SRGAP3: variants seen among roughly 807,000 people sequenced by gnomAD.
The protein encoded by SRGAP3 is SLIT-ROBO Rho GTPase-activating protein 3.
In SRGAP3, 39 loss-of-function variants were observed where a neutral mutation model predicts 121.1. The ratio of observed to expected loss-of-function variants is 0.32; its 90% CI spans 0.25 to 0.42. The LOEUF (loss-of-function observed/expected upper bound fraction) is 0.42, where lower values mean the gene tolerates loss of function less well. Ranked by LOEUF, SRGAP3 falls within the 10% of genes least tolerant of loss-of-function variation. The probability of loss-of-function intolerance (pLI) is 1.00; values close to 1 mark genes in which losing one functional copy is unlikely to be tolerated. For synonymous variants in SRGAP3, 601 were observed against 570.0 expected (o/e 1.05, Z -0.77); for missense variants, 1,213 against 1,470.6 (o/e 0.82, Z 2.86).
At chr3:9,215,018 G>A (rs1230462206) in intron 1 of SRGAP3, among the ~76,000 whole-genome samples, 1 of 152,198 alleles carries the variant, frequency 6.6e-6, no homozygotes, top group African/African-American at 2.4e-5. Flanking sequence ...TGAGGAAGGA[G>A]AGCTAAGTGG....
At chr3:9,066,899 T>C (rs1477093471) in intron 4 of SRGAP3, among the ~76,000 whole-genome samples, 1 of 152,208 alleles carries the variant, frequency 6.6e-6, no homozygotes, top group African/African-American at 2.4e-5. Flanking sequence ...TTGTAGATCA[T>C]GGAAGGTAAG....
intron 1 of SRGAP3, among the ~76,000 whole-genome samples, chr3:9,356,126 C>T (rs572417848): frequency 1.4e-4 from 21 of 151,916 alleles, no homozygotes; most frequent in African/African-American, 4.8e-4. Flanking sequence ...AACATACTAC[C>T]GGTGAACAAC....
At chr3:9,038,674 T>C (rs1377539079) in intron 10 of SRGAP3, among the ~76,000 whole-genome samples, 1 of 152,102 alleles carries the variant, frequency 6.6e-6, no homozygotes, top group African/African-American at 2.4e-5. Context: ...GAAAAGAAAA[T>C]CAAGTACTAT....
intron 1 of SRGAP3, among the ~76,000 whole-genome samples, chr3:9,244,087 T>C (rs1368512093): frequency 6.6e-6 from 1 of 152,202 alleles, no homozygotes; most frequent in Non-Finnish European, 1.5e-5. Flanking sequence ...TTTTATCCTG[T>C]TGAAACCAGC....
chr3:9,278,383 A>C (rs1954619910), intron 3 of SRGAP3, among the ~76,000 whole-genome samples: 1 of 152,182 alleles, frequency 6.6e-6, no homozygotes, highest in Admixed American at 6.5e-5. Context: ...AAATGGCAAG[A>C]ATATTAAGTC....
intron 1 of SRGAP3, among the ~76,000 whole-genome samples, chr3:9,147,598 G>T (rs1304924633): frequency 1.3e-5 from 2 of 152,158 alleles, no homozygotes; most frequent in Non-Finnish European, 2.9e-5. Context: ...TCTGGGCACA[G>T]AATCATTAGC....
At chr3:9,340,866 T>A (rs1250455817) in intron 1 of SRGAP3, among the ~76,000 whole-genome samples, 1 of 152,048 alleles carries the variant, frequency 6.6e-6, no homozygotes, top group African/African-American at 2.4e-5. Context: ...AAAATCACCG[T>A]GAATGAAGGA....
At chr3:9,321,818 G>A (rs1955442782) in intron 3 of SRGAP3, among the ~76,000 whole-genome samples, 1 of 151,622 alleles carries the variant, frequency 6.6e-6, no homozygotes, top group South Asian at 2.1e-4. Flanking sequence ...CTATCAGAGG[G>A]TGGAGGGTGA....
chr3:9,324,771 C>G (rs564804251), intron 3 of SRGAP3, among the ~76,000 whole-genome samples: 2 of 151,874 alleles, frequency 1.3e-5, no homozygotes, highest in East Asian at 3.9e-4. Context: ...TCCTGGCTAA[C>G]ACGGTGAAAC....
At chr3:9,252,108 C>T (rs1191334809), upstream of SRGAP3, among the ~76,000 whole-genome samples, 2 of 152,106 alleles carry the variant, frequency 1.3e-5, no homozygotes, top group South Asian at 2.1e-4. Context: ...GTCCACCCCA[C>T]GGTAATGGGT....
At chr3:9,313,349 CCTATCCT>C (rs1955282706) in intron 3 of SRGAP3, among the ~76,000 whole-genome samples, 1 of 152,194 alleles carries the variant, frequency 6.6e-6, no homozygotes, top group African/African-American at 2.4e-5. Context: ...CCTGTCAGTT[CCTATCCT>C]CTCTGTTTTT....
chr3:9,004,698 G>A (rs758635799), intron 18 of SRGAP3, among the ~76,000 whole-genome samples: 3 of 152,146 alleles, frequency 2.0e-5, no homozygotes, highest in Non-Finnish European at 4.4e-5. Flanking sequence ...TCAACTAATC[G>A]TGCTGGGACA....
At chr3:9,102,935 G>A (rs539899352) in intron 3 of SRGAP3, among the ~76,000 whole-genome samples, 2 of 152,292 alleles carry the variant, frequency 1.3e-5, no homozygotes, top group East Asian at 1.9e-4. Context: ...AGCAGCAGGC[G>A]GGGGCTGGGA....
chr3:9,192,874 TA>T (rs1445620548), intron 1 of SRGAP3: 1 of 152,084 alleles, frequency 6.6e-6, no homozygotes, highest in East Asian at 1.9e-4. Context: ...GCTGACATGA[TA>T]AGGTCAAATG....
At chr3:9,261,991 A>G (rs1000380003) in intron 3 of SRGAP3, among the ~76,000 whole-genome samples, 21 of 152,120 alleles carry the variant, frequency 1.4e-4, no homozygotes, top group African/African-American at 5.1e-4. Context: ...AGGGAAGCCC[A>G]TCAGACTAAC....
chr3:9,339,896 A>G (rs181470182), intron 1 of SRGAP3, among the ~76,000 whole-genome samples: 13 of 152,300 alleles, frequency 8.5e-5, no homozygotes, highest in African/African-American at 2.6e-4. Flanking sequence ...ATCAATCAGC[A>G]TAACTCTCTT....
intron 7 of SRGAP3, 55 bp downstream of exon 7, chr3:9,058,196 A>G (rs1945924826): frequency 1.9e-6 from 3 of 1,572,220 alleles, no homozygotes; most frequent in Admixed American, 3.3e-5. Flanking sequence ...GTACTGGAGC[A>G]CATGGGGGAA....
intron 18 of SRGAP3, chr3:9,007,247 G>C (rs1177828351): frequency 6.6e-6 from 1 of 152,144 alleles, no homozygotes; most frequent in Non-Finnish European, 1.5e-5. Context: ...TGGGGTTACA[G>C]GTGTGAGCCA....
chr3:9,080,243 C>G (rs749812266), intron 3 of SRGAP3, among the ~76,000 whole-genome samples, 156 bp from the exon 4 acceptor site: 6 of 152,276 alleles, frequency 3.9e-5, no homozygotes, highest in Admixed American at 2.6e-4. Context: ...AACATAAATT[C>G]CTCAACTATG....
Sources: allele counts gnomAD v4.1 joint callset (sites outside exome capture counted in the v4.1 genomes callset), GRCh38; gene constraint gnomAD v4.1.1; transcripts MANE v1.5; gene names NCBI Gene and HGNC (gene_info 2026-07-23, HGNC 2026-07-21).